Variants in ZFHX3 observed in about 807,000 individuals in gnomAD.
ZFHX3 encodes the protein zinc finger homeobox 3.
Under a neutral mutation model 279.1 loss-of-function variants are expected in ZFHX3, and 42 were observed. The ratio of observed to expected loss-of-function variants is 0.15; its 90% CI spans 0.12 to 0.19. ZFHX3 has a LOEUF of 0.19. Ranked by LOEUF, ZFHX3 falls within the 10% of genes least tolerant of loss-of-function variation. ZFHX3 has a pLI of 1.00. For synonymous variants in ZFHX3, 2,293 were observed against 1,957.8 expected (o/e 1.17, Z -4.52); for missense variants, 4,981 against 4,754.0 (o/e 1.05, Z -1.40).
chr16:73,216,162 C>T (rs894324965), intron 5 of ZFHX3, among the ~76,000 whole-genome samples: 7 of 152,152 alleles, frequency 4.6e-5, no homozygotes, highest in African/African-American at 9.7e-5. Context: ...TGCTAAGTTT[C>T]GGGAAGCTTT....
At chr16:73,105,459 T>TTC (rs1254832545) in intron 7 of ZFHX3, among the ~76,000 whole-genome samples, 8 of 88,214 alleles carry the variant, frequency 9.1e-5, no homozygotes, top group South Asian at 4.7e-4. Context: ...ATATATATAT[T>TTC]TTTTCCCCCA....
At chr16:73,135,636 A>G (rs1170577410) in intron 6 of ZFHX3, among the ~76,000 whole-genome samples, 1 of 151,904 alleles carries the variant, frequency 6.6e-6, no homozygotes, top group Non-Finnish European at 1.5e-5. Flanking sequence ...ACACTATTCT[A>G]TGTGCGGATG....
At chr16:73,580,519 A>C (rs1485906385) in intron 2 of ZFHX3, among the ~76,000 whole-genome samples, 1 of 151,872 alleles carries the variant, frequency 6.6e-6, no homozygotes, top group Admixed American at 6.6e-5. Flanking sequence ...AAAAAAAAAA[A>C]AACAGAGAAA....
chr16:73,396,716 A>G (rs2017137294), intron 3 of ZFHX3, among the ~76,000 whole-genome samples: 1 of 152,198 alleles, frequency 6.6e-6, no homozygotes, highest in South Asian at 2.1e-4. Context: ...AGCATGGGGG[A>G]AACCACCACC....
chr16:73,279,975 G>A (rs957548577), intron 4 of ZFHX3, among the ~76,000 whole-genome samples: 2 of 152,098 alleles, frequency 1.3e-5, no homozygotes, highest in Admixed American at 6.6e-5. Context: ...ATGTATAGAT[G>A]GTCAACTAAA....
intron 7 of ZFHX3, among the ~76,000 whole-genome samples, chr16:73,121,854 A>T (rs1966503920): frequency 6.6e-6 from 1 of 151,980 alleles, no homozygotes; most frequent in South Asian, 2.1e-4. Flanking sequence ...TGACCTCGTG[A>T]TCCACCTGCC....
intron 1 of ZFHX3, among the ~76,000 whole-genome samples, chr16:73,687,933 T>C (rs1316504442): frequency 1.3e-5 from 2 of 151,980 alleles, no homozygotes; most frequent in Non-Finnish European, 2.9e-5. Flanking sequence ...TCCATAATAC[T>C]TGTAATTTTA....
chr16:72,985,943 T>C (rs903679116), intron 1 of ZFHX3, among the ~76,000 whole-genome samples: 1 of 152,198 alleles, frequency 6.6e-6, no homozygotes, highest in African/African-American at 2.4e-5. Context: ...CTGTTTATTA[T>C]GATAATTGCA....
At chr16:73,766,693 T>C (rs2053947935) in intron 1 of ZFHX3, among the ~76,000 whole-genome samples, 1 of 152,122 alleles carries the variant, frequency 6.6e-6, no homozygotes, top group Non-Finnish European at 1.5e-5. Flanking sequence ...TAACAGTCAG[T>C]CCAGCTGTTT....
At position 73,089,025 on chromosome 16, in the gene ZFHX3, G is replaced by C. The variant is rs1567660248; in HGVS notation, c.-533+4210C>G. On this transcript the variant is annotated intron_variant, in intron 8 of 17. Transcript: ENST00000641206. ...TTGAACTTAACATAGCCCTGGGTGA[G>C]GATCTCAGTAGCCTCAGACAGACAC... 2.0e-5 allele frequency among the ~76,000 whole-genome samples: 3 copies of C among 152,162 alleles called. No homozygotes were observed. The East Asian group carries it at 5.8e-4, about 29-fold the overall frequency.
intron 2 of ZFHX3, among the ~76,000 whole-genome samples, chr16:73,592,583 T>C (rs1191546690): frequency 6.6e-6 from 1 of 152,080 alleles, no homozygotes; most frequent in Non-Finnish European, 1.5e-5. Flanking sequence ...CCTTATACCC[T>C]GAAAATAATC....
intron 2 of ZFHX3, among the ~76,000 whole-genome samples, chr16:73,626,049 G>T (rs1365635821): frequency 6.6e-6 from 1 of 152,070 alleles, no homozygotes; most frequent in Non-Finnish European, 1.5e-5. Context: ...GTAGAGACGG[G>T]GTTTCATCGT....
At chr16:73,100,755 G>T (rs1327149374) in intron 7 of ZFHX3, among the ~76,000 whole-genome samples, 1 of 151,870 alleles carries the variant, frequency 6.6e-6, no homozygotes, top group Admixed American at 6.6e-5. Flanking sequence ...CCACCATCAC[G>T]CCTGGCTAAT....
intron 3 of ZFHX3, among the ~76,000 whole-genome samples, chr16:73,343,246 T>C (rs2016067260): frequency 2.0e-5 from 3 of 152,138 alleles, no homozygotes; most frequent in Admixed American, 1.3e-4. Flanking sequence ...TATGCATATA[T>C]ACATTCTGTC....
At position 73,698,156 on chromosome 16, in the gene ZFHX3, T is replaced by G. The variant is rs1336719304; in HGVS notation, c.-1607-17916A>C. Among the ~76,000 whole-genome samples, 5 of 151,756 alleles carry G rather than the reference T, an allele frequency of 3.3e-5. No homozygotes were observed. The South Asian group carries it at 6.2e-4, about 19-fold the overall frequency. ...AATTGTACCATGGTTATGGTACAAT[T>G]CCCAATGGCCGAAACTGGAACAATT... On this transcript the variant is annotated intron_variant, in intron 1 of 17. Transcript: ENST00000641206.
intron 1 of ZFHX3, among the ~76,000 whole-genome samples, chr16:73,773,034 C>G (rs1392047537): frequency 3.3e-5 from 5 of 152,196 alleles, no homozygotes; most frequent in Non-Finnish European, 7.3e-5. Context: ...TCCTTAGACC[C>G]AGGCTGATCA....
At chr16:73,212,695 T>C (rs1292401971) in intron 5 of ZFHX3, among the ~76,000 whole-genome samples, 1 of 152,168 alleles carries the variant, frequency 6.6e-6, no homozygotes, top group Non-Finnish European at 1.5e-5. Flanking sequence ...CTCAATATAC[T>C]CCACACATGT....
rs368612578 is a variant in ZFHX3, at chr16:73,726,963, G to A, written c.-1607-46723C>T. 8.5e-5 allele frequency among the ~76,000 whole-genome samples: 13 copies of A among 152,286 alleles called. No homozygotes were observed. In the East Asian group the frequency reaches 1.5e-3, roughly 18 times the overall value. On this transcript the variant is annotated intron_variant, in intron 1 of 17. Coordinates refer to the ZFHX3 transcript ENST00000641206. ...GGATCCCAAAAAGTCTTCAGACATT[G>A]TCAACATTCCCTGGGGAGAGGGCAA...
intron 3 of ZFHX3, among the ~76,000 whole-genome samples, chr16:73,425,570 G>T (rs8048846): frequency 0.87 from 132,073 of 152,054 alleles, 57,666 homozygotes; most frequent in South Asian, 0.92. Flanking sequence ...GGTGTTTATA[G>T]CCAGGAGTTA....
Sources: allele counts gnomAD v4.1 joint callset (sites outside exome capture counted in the v4.1 genomes callset), GRCh38; gene constraint gnomAD v4.1.1; transcripts MANE v1.5; gene names NCBI Gene and HGNC (gene_info 2026-07-23, HGNC 2026-07-21).